CCNB2: variants seen among roughly 807,000 people sequenced by gnomAD.
CCNB2 encodes the protein cyclin B2.
A neutral mutation model predicts 51.1 loss-of-function variants in CCNB2; 39 were observed. The ratio of observed to expected loss-of-function variants is 0.76; its 90% CI spans 0.59 to 1.00. CCNB2 has a LOEUF of 1.00. Ranked by LOEUF, CCNB2 falls within the 50% of genes least tolerant of loss-of-function variation. The pLI, the probability that CCNB2 is intolerant of heterozygous loss-of-function variation, is 0.00. For synonymous variants in CCNB2, 174 were observed against 165.5 expected (o/e 1.05, Z -0.40); for missense variants, 472 against 470.3 (o/e 1.00, Z -0.03).
chr15:59,110,901 T>G (rs1362764070), intron 3 of CCNB2, among the ~76,000 whole-genome samples: 1 of 152,198 alleles, frequency 6.6e-6, no homozygotes, highest in Non-Finnish European at 1.5e-5. Context: ...ACTAGTCCCA[T>G]GTTTGCTGGA....
At chr15:59,105,826 C>T (rs192874422) in intron 1 of CCNB2, among the ~76,000 whole-genome samples, 1 of 152,284 alleles carries the variant, frequency 6.6e-6, no homozygotes, top group East Asian at 1.9e-4. Flanking sequence ...CCATTTATTT[C>T]GGCACGCTAA....
At chr15:59,119,265 G>A (rs962116083) in intron 7 of CCNB2, among the ~76,000 whole-genome samples, 8 of 152,076 alleles carry the variant, frequency 5.3e-5, no homozygotes, top group Admixed American at 2.6e-4. Context: ...CTTGAGCCCA[G>A]CCTGGGTAGC....
rs911484099 is a variant in CCNB2 at position 59,120,768 on chromosome 15, G to A, written c.976-2749G>A. Reference sequence around the variant, plus strand: ...AATAATTTTGGGAAACAAGATTCACGTGGTCTCAATTTATCATCCCATAGA... The same window carrying A: ...AATAATTTTGGGAAACAAGATTCACATGGTCTCAATTTATCATCCCATAGA... On this transcript the variant is annotated intron_variant, in intron 7 of 8. Transcript: ENST00000288207. Among the ~76,000 whole-genome samples the A allele has an allele frequency of 7.2e-5, 11 of 152,254 alleles. No individual in the cohort carries two copies. In the East Asian group the frequency reaches 1.5e-3, roughly 21 times the overall value.
intron 3 of CCNB2, among the ~76,000 whole-genome samples, chr15:59,109,847 G>A (rs1392659485): frequency 1.3e-5 from 2 of 152,048 alleles, no homozygotes; most frequent in South Asian, 2.1e-4. Context: ...TTAGCCGGGC[G>A]AGGTGGTGGG....
intron 3 of CCNB2, among the ~76,000 whole-genome samples, chr15:59,108,212 C>T (rs2079244104): frequency 1.3e-5 from 2 of 152,098 alleles, no homozygotes. Context: ...ATAATCATGT[C>T]CTTTCGTTAA....
chr15:59,117,772 A>G (rs1391639870), intron 7 of CCNB2, among the ~76,000 whole-genome samples: 3 of 152,150 alleles, frequency 2.0e-5, no homozygotes, highest in Non-Finnish European at 4.4e-5. Context: ...CCTGGCCTGA[A>G]GCAATTGTTT....
chr15:59,107,745 C>T (rs1174600532), intron 3 of CCNB2, 75 bp downstream of exon 3: 57 of 1,053,618 alleles, frequency 5.4e-5, no homozygotes, highest in South Asian at 5.3e-4. Context: ...GTGCCTTTAT[C>T]ATTGCTGTAC....
chr15:59,124,204 G>T, intron 8 of CCNB2: 1 of 164,560 alleles, frequency 6.1e-6, no homozygotes, highest in South Asian at 1.6e-4. Flanking sequence ...GTGCTGTCCT[G>T]TGCTTGTGTG....
At chr15:59,119,460 C>CA (rs370628686) in intron 7 of CCNB2, among the ~76,000 whole-genome samples, 3,497 of 83,732 alleles carry the variant, frequency 0.042, 101 homozygotes, top group African/African-American at 0.06. Context: ...ACCCTGTCTC[C>CA]AAAAAAAAAA....
At chr15:59,108,589 A>G (rs1050172545) in intron 3 of CCNB2, among the ~76,000 whole-genome samples, 2 of 152,208 alleles carry the variant, frequency 1.3e-5, no homozygotes, top group Non-Finnish European at 2.9e-5. Context: ...CATGGCTTGC[A>G]CTGCAGGAGT....
intron 8 of CCNB2, chr15:59,124,508 G>C: frequency 2.2e-6 from 1 of 461,148 alleles, no homozygotes; most frequent in Non-Finnish European, 3.9e-6. Context: ...TAGCCTACAA[G>C]AGGAAGCCTG....
chr15:59,112,101 C>G (rs1428732282), intron 3 of CCNB2, among the ~76,000 whole-genome samples: 1 of 152,124 alleles, frequency 6.6e-6, no homozygotes, highest in African/African-American at 2.4e-5. Flanking sequence ...ATCCACCTGC[C>G]TCAGCCTTCC....
chr15:59,109,089 C>T (rs558774265), intron 3 of CCNB2, among the ~76,000 whole-genome samples: 13 of 152,252 alleles, frequency 8.5e-5, no homozygotes, highest in Admixed American at 5.2e-4. Context: ...CTTGCTCTGT[C>T]GCCCAGGCTG....
At position 59,125,038 on chromosome 15, in the gene CCNB2, T is replaced by A. The variant is rs1048981190; in HGVS notation, c.*161T>A. ...GGAAAAATAAAGCGATTGGTTTTTC[T>A]TAAGGTATCCCATGTGTATTTATTT... On this transcript the variant is annotated 3_prime_UTR_variant, in exon 9 of 9. Coordinates refer to ENST00000288207, the MANE Select transcript of CCNB2 (RefSeq NM_004701.4). 2.7e-5 allele frequency: 13 copies of A among 481,836 alleles called. No individual in the cohort carries two copies. Among genetic ancestry groups the A allele is most frequent in the Admixed American group, 3.8e-5 (1 of 26,268 alleles). The allele number at this position is 481,836 out of a possible 1,614,324, so 29.8% of individuals were successfully genotyped here. A position where few individuals can be genotyped will look rare whatever the true frequency, so the allele number is the denominator to read the frequency against.
At chr15:59,108,007 A>T (rs1045713268) in intron 3 of CCNB2, among the ~76,000 whole-genome samples, 12 of 152,148 alleles carry the variant, frequency 7.9e-5, no homozygotes, top group Admixed American at 6.5e-4. Flanking sequence ...TCTGAAAAAA[A>T]AAAATAAATA....
At chr15:59,120,784 A>G (rs779580519) in intron 7 of CCNB2, among the ~76,000 whole-genome samples, 1 of 152,232 alleles carries the variant, frequency 6.6e-6, no homozygotes. Context: ...TCAATTTATC[A>G]TCCCATAGAT....
At position 59,107,681 on chromosome 15, in the gene CCNB2, C is replaced by T; in HGVS notation, c.267+11C>T. 2 of 1,606,400 alleles carry T rather than the reference C, an allele frequency of 1.2e-6. No homozygotes were observed. The highest frequency in any genetic ancestry group is 1.7e-6 in the Non-Finnish European group (2 of 1,173,654). ...AAGTTGGCTCCAAAGGTAGGAAGTT[C>T]TGAATTTACAAACGTATTTAATGAG... On this transcript the variant is annotated intron_variant, in intron 3 of 8. Transcript: ENST00000288207.
At chr15:59,119,933 C>T (rs997881236) in intron 7 of CCNB2, among the ~76,000 whole-genome samples, 3 of 152,166 alleles carry the variant, frequency 2.0e-5, no homozygotes, top group Admixed American at 6.5e-5. Flanking sequence ...GTCTCGAACT[C>T]CTAGGCTCAA....
intron 3 of CCNB2, among the ~76,000 whole-genome samples, chr15:59,112,866 C>G (rs1240548776): frequency 1.3e-5 from 2 of 151,584 alleles, no homozygotes; most frequent in African/African-American, 4.8e-5. Flanking sequence ...AACCCCGTCT[C>G]TACTAAAAAT....
Sources: allele counts gnomAD v4.1 joint callset (sites outside exome capture counted in the v4.1 genomes callset), GRCh38; gene constraint gnomAD v4.1.1; transcripts MANE v1.5; gene names NCBI Gene and HGNC (gene_info 2026-07-23, HGNC 2026-07-21).